Variants in TULP4 observed in about 807,000 individuals in gnomAD.
TULP4 encodes TUB like protein 4, also known as tubby-related protein 4.
Under a neutral mutation model 129.0 loss-of-function variants are expected in TULP4, and 16 were observed. The ratio of observed to expected loss-of-function variants is 0.12; its 90% CI spans 0.08 to 0.19. The LOEUF (loss-of-function observed/expected upper bound fraction) is 0.19, where lower values mean the gene tolerates loss of function less well. TULP4 is among the 10% of genes least tolerant of loss of function. TULP4 has a pLI of 1.00. For missense variants in TULP4, 1,842 were observed against 2,059.1 expected, an observed-to-expected ratio of 0.89 and a Z score of 2.04; for synonymous variants, 998 against 854.0, an observed-to-expected ratio of 1.17 and a Z score of -2.94.
At position 158,487,300 on chromosome 6, in the gene TULP4, C is replaced by T. The variant is rs560582180; in HGVS notation, c.1487-2288C>T. ...AAGAAAATACAAAAAATTAGCCAGC[C>T]ATGGCAGCATGCATCTGTAGTCCCA... is the stretch of plus-strand genomic sequence containing the variant. On this transcript the variant is annotated intron_variant, in intron 8 of 13. Coordinates refer to ENST00000367097, the MANE Select transcript of TULP4 (RefSeq NM_020245.5). Among the ~76,000 whole-genome samples, 3 of 151,700 alleles carry T rather than the reference C, an allele frequency of 2.0e-5. No individual in the cohort carries two copies. In the East Asian group the frequency reaches 5.8e-4, roughly 29 times the overall value.
chr6:158,351,964 C>G (rs1390524705), intron 1 of TULP4, among the ~76,000 whole-genome samples: 1 of 152,010 alleles, frequency 6.6e-6, no homozygotes, highest in Non-Finnish European at 1.5e-5. Flanking sequence ...TCAGATGATG[C>G]GTCTGCCTTG....
chr6:158,434,467 A>G (rs181490073), intron 3 of TULP4, among the ~76,000 whole-genome samples: 1 of 152,322 alleles, frequency 6.6e-6, no homozygotes, highest in Admixed American at 6.5e-5. Flanking sequence ...AAGTTGACGC[A>G]GAGTAATGCT....
At chr6:158,403,782 A>G (rs1777908726) in intron 1 of TULP4, among the ~76,000 whole-genome samples, 1 of 152,208 alleles carries the variant, frequency 6.6e-6, no homozygotes, top group Non-Finnish European at 1.5e-5. Context: ...TCACCTAGAT[A>G]TCTTGTAGTC....
chr6:158,388,331 T>C (rs111602141), intron 1 of TULP4, among the ~76,000 whole-genome samples: 15 of 85,778 alleles, frequency 1.7e-4, no homozygotes, highest in Admixed American at 2.1e-4. Context: ...TCTTTTTTTT[T>C]TTTTTTTTTT....
At chr6:158,444,988 T>G (rs908563449) in intron 3 of TULP4, among the ~76,000 whole-genome samples, 2 of 151,794 alleles carry the variant, frequency 1.3e-5, no homozygotes, top group Non-Finnish European at 2.9e-5. Context: ...CATCTTTTTG[T>G]TTTTTTTAGA....
chr6:158,328,123 T>TGC (rs1339708564), intron 1 of TULP4, among the ~76,000 whole-genome samples: 6 of 85,084 alleles, frequency 7.1e-5, no homozygotes, highest in South Asian at 3.3e-4. Context: ...TGTGTGTGTG[T>TGC]GTGTGCGTGC....
At chr6:158,302,503 A>AG (rs1779149070) in intron 1 of TULP4, among the ~76,000 whole-genome samples, 1 of 152,272 alleles carries the variant, frequency 6.6e-6, no homozygotes, top group African/African-American at 2.4e-5. Flanking sequence ...GGAGACTTCC[A>AG]GGGGGAGAGA....
chr6:158,279,457 T>C (rs2067684), upstream of TULP4, among the ~76,000 whole-genome samples: 60,139 of 152,034 alleles, frequency 0.4, 12,264 homozygotes, highest in Admixed American at 0.48. Context: ...CTTAATGTCA[T>C]GGGAAGACGG....
intron 1 of TULP4, chr6:158,238,386 G>T: frequency 3.3e-6 from 2 of 613,762 alleles, no homozygotes; most frequent in Non-Finnish European, 2.9e-6. Context: ...CCTGGTTTGT[G>T]TACATAGCAA....
intron 2 of TULP4, among the ~76,000 whole-genome samples, chr6:158,423,488 A>G (rs1778401357): frequency 6.6e-6 from 1 of 152,236 alleles, no homozygotes; most frequent in East Asian, 1.9e-4. Context: ...ATGATATGGC[A>G]TTAACTCTGA....
intron 3 of TULP4, among the ~76,000 whole-genome samples, chr6:158,431,265 G>T (rs984123090): frequency 6.6e-6 from 1 of 152,142 alleles, no homozygotes; most frequent in African/African-American, 2.4e-5. Context: ...GTGTGACAAG[G>T]ACTGTGTATT....
intron 1 of TULP4, among the ~76,000 whole-genome samples, chr6:158,347,140 C>T (rs991751298): frequency 2.0e-5 from 3 of 152,192 alleles, no homozygotes; most frequent in African/African-American, 7.2e-5. Context: ...ATCTTAAGGG[C>T]ATTATTGGAT....
chr6:158,466,635 C>G (rs1202197586), intron 6 of TULP4, among the ~76,000 whole-genome samples: 1 of 152,164 alleles, frequency 6.6e-6, no homozygotes, highest in African/African-American at 2.4e-5. Context: ...CTCATTTGTT[C>G]AAGCATCCAG....
Position 158,489,716 on chromosome 6 carries a change from T to A in TULP4, c.1615T>A (p.Ser539Thr). The stretch of plus-strand genomic sequence containing the variant: ...TCCCAAAATCTCCAGAGCTAGCAAA[T>A]CACCCAAACTCCCAAGGTAATCTCA... ...KSPKISRASK[S>T]PKLPRISIEA... Residue 539 changes from serine to threonine, a missense_variant, in exon 9 of 14, where the codon TCA becomes ACA. This residue lies in a region of TULP4 where 456 missense variants were observed against 534.3 expected (regional missense o/e 0.85). Transcript: ENST00000367097. The A allele has an allele frequency of 1.2e-6, 2 of 1,614,134 alleles. No individual in the cohort carries two copies. Among genetic ancestry groups the A allele is most frequent in the Non-Finnish European group, 1.7e-6 (2 of 1,180,014 alleles).
At position 158,313,825 on chromosome 6, in the gene TULP4, A is replaced by G; in HGVS notation, c.-192A>G. On this transcript the variant is annotated 5_prime_UTR_variant, in exon 1 of 14. Transcript: ENST00000367097. ...GACTGCCATCATCTTTTATAGAGGA[A>G]TTTTTTCACTATGCATTCGGTGGAT... is the stretch of plus-strand genomic sequence containing the variant. The G allele has an allele frequency of 1.6e-6, 1 of 609,394 alleles. No individual in the cohort carries two copies. The highest frequency in any genetic ancestry group is 2.8e-6 in the Non-Finnish European group (1 of 363,052). 37.7% of individuals were successfully genotyped at this position (609,394 alleles called of 1,614,324 possible).
upstream of TULP4, among the ~76,000 whole-genome samples, chr6:158,279,049 C>T (rs1392310664): frequency 1.4e-5 from 2 of 143,004 alleles, no homozygotes; most frequent in Non-Finnish European, 3.1e-5. Flanking sequence ...ACGCCATTCT[C>T]CTGCCTCAGC....
chr6:158,271,860 A>G (rs1391180261), intron 1 of TULP4, among the ~76,000 whole-genome samples: 2 of 152,256 alleles, frequency 1.3e-5, no homozygotes, highest in Non-Finnish European at 2.9e-5. Flanking sequence ...TGGGGGAAAC[A>G]TTGAAATGCT....
intron 1 of TULP4, among the ~76,000 whole-genome samples, chr6:158,271,973 T>G (rs1778560457): frequency 6.6e-6 from 1 of 152,144 alleles, no homozygotes; most frequent in African/African-American, 2.4e-5. Flanking sequence ...TTTAAAAGTA[T>G]TTGCGGAAAA....
intron 1 of TULP4, among the ~76,000 whole-genome samples, chr6:158,365,430 T>A (rs1469844021): frequency 6.6e-6 from 1 of 151,806 alleles, no homozygotes; most frequent in Non-Finnish European, 1.5e-5. Flanking sequence ...ATTTTTCTTG[T>A]GTATCTCTTT....
Sources: allele counts gnomAD v4.1 joint callset (sites outside exome capture counted in the v4.1 genomes callset), GRCh38; gene constraint gnomAD v4.1.1; regional missense constraint gnomAD v4.1.1; transcripts MANE v1.5; gene names NCBI Gene and HGNC (gene_info 2026-07-23, HGNC 2026-07-21).